PCDHA4: variants seen among roughly 807,000 people sequenced by gnomAD.
PCDHA4 encodes the protein protocadherin alpha-4.
A neutral mutation model predicts 61.4 loss-of-function variants in PCDHA4; 49 were observed. The observed-to-expected ratio is 0.80, with a 90% CI of 0.63 to 1.01. PCDHA4 has a LOEUF of 1.01. Among genes scored for constraint, PCDHA4 ranks in the 50% least tolerant of loss-of-function variants. The pLI, the probability that PCDHA4 is intolerant of heterozygous loss-of-function variation, is 0.00. For synonymous variants in PCDHA4, 590 were observed against 550.3 expected (o/e 1.07, Z -1.01); for missense variants, 1,254 against 1,235.8 (o/e 1.01, Z -0.22).
rs75032728 is a variant in PCDHA4 at position 140,932,740 on chromosome 5, T to C, written c.2386-46209T>C. On this transcript the variant is annotated intron_variant, in intron 1 of 3. Coordinates refer to ENST00000530339, the MANE Select transcript of PCDHA4 (RefSeq NM_018907.4). The stretch of plus-strand genomic sequence containing the variant: ...ATATTGTATAATATAGACCCTCAAA[T>C]CAGTAAAAAGGAAAGAAAAAGAACA... 5.5e-3 allele frequency among the ~76,000 whole-genome samples: 829 copies of C among 151,670 alleles called. 4 individuals carry two copies. The highest frequency in any genetic ancestry group is 0.019 in the African/African-American group (798 of 41,410).
At chr5:140,895,968 G>C (rs190056652) in intron 1 of PCDHA4, among the ~76,000 whole-genome samples, 4 of 151,938 alleles carry the variant, frequency 2.6e-5, no homozygotes, top group African/African-American at 4.8e-5. Flanking sequence ...CTGTCACCAG[G>C]CCTAGCTAAT....
rs564306575 is a variant in PCDHA4, at chr5:140,927,833, A to G, written c.2386-51116A>G. On this transcript the variant is annotated intron_variant, in intron 1 of 3. Coordinates refer to ENST00000530339, the MANE Select transcript of PCDHA4 (RefSeq NM_018907.4). Reference sequence around the variant, plus strand: ...TTGGAGGCATACATTGAGGCGAGGGACGAAGGTGTCTTTGGTTTAGCTAGC... The same window carrying G: ...TTGGAGGCATACATTGAGGCGAGGGGCGAAGGTGTCTTTGGTTTAGCTAGC... 5.0e-6 allele frequency: 8 copies of G among 1,614,044 alleles called. No individual in the cohort carries two copies. Among genetic ancestry groups the G allele is most frequent in the African/African-American group, 4.0e-5 (3 of 74,914 alleles).
chr5:140,877,515 G>A (rs371100299), intron 1 of PCDHA4: 177 of 1,613,796 alleles, frequency 1.1e-4, no homozygotes, highest in Admixed American at 4.8e-4. Context: ...CGTCGTCGCG[G>A]GCCTCAGTGG....
intron 1 of PCDHA4, among the ~76,000 whole-genome samples, chr5:140,909,538 A>T (rs1204423392): frequency 6.6e-6 from 1 of 152,148 alleles, no homozygotes; most frequent in East Asian, 1.9e-4. Context: ...TGAGTCCTTG[A>T]TGGTGGCACT....
rs781832159 is a variant in PCDHA4 at position 140,809,389 on chromosome 5, G to A, written c.2202G>A (p.Pro734=). 4 of 1,614,058 alleles carry A rather than the reference G, an allele frequency of 2.5e-6. No homozygotes were observed. Among genetic ancestry groups the A allele is most frequent in the East Asian group, 4.5e-5 (2 of 44,872 alleles). ...TGCCCACCGAGGGCGCGTGCGCTCC[G>A]GGCAAGCCCACGCTGGTGTGCTCCA... The part of the protein sequence containing the change: ...SALPTEGACA[P]GKPTLVCSSA... Residue 734 remains proline (P), a synonymous_variant, in exon 1 of 4, where the codon CCG becomes CCA. Coordinates refer to ENST00000530339, the MANE Select transcript of PCDHA4 (RefSeq NM_018907.4).
chr5:140,836,103 G>C, intron 1 of PCDHA4: 1 of 1,613,736 alleles, frequency 6.2e-7, no homozygotes, highest in Non-Finnish European at 8.5e-7. Flanking sequence ...GGGTGGCACT[G>C]GTGGCGCAGT....
chr5:140,985,801 A>G (rs2097171670), intron 3 of PCDHA4, among the ~76,000 whole-genome samples: 1 of 135,588 alleles, frequency 7.4e-6, no homozygotes, highest in Admixed American at 8.6e-5. Flanking sequence ...GTGCAGTGGC[A>G]CGATCTCAGC....
intron 1 of PCDHA4, chr5:140,882,118 T>G: frequency 1.4e-6 from 2 of 1,431,994 alleles, no homozygotes; most frequent in Non-Finnish European, 9.4e-7. Context: ...AAGCCGCCGT[T>G]TCTTTCTTCC....
chr5:140,928,426 T>G (rs1563104997), intron 1 of PCDHA4: 2 of 1,614,134 alleles, frequency 1.2e-6, no homozygotes, highest in Non-Finnish European at 1.7e-6. Context: ...TGCCAAAACT[T>G]CCTTTGACTT....
intron 1 of PCDHA4, chr5:140,847,692 T>C (rs1011959129): frequency 1.3e-5 from 2 of 149,872 alleles, no homozygotes; most frequent in Non-Finnish European, 3.0e-5. Context: ...ACAACACATT[T>C]CTGGAAACAG....
chr5:140,968,966 T>C (rs781901506), intron 1 of PCDHA4: 1 of 1,614,216 alleles, frequency 6.2e-7, no homozygotes, highest in East Asian at 2.2e-5. Context: ...GTGCTACCGC[T>C]ACACTGCGTA....
chr5:140,879,204 G>A (rs1041591784), intron 1 of PCDHA4, among the ~76,000 whole-genome samples: 3 of 152,328 alleles, frequency 2.0e-5, no homozygotes, highest in Admixed American at 6.5e-5. Flanking sequence ...AATTATGGCA[G>A]TAGAAATGAA....
chr5:140,936,710 A>G (rs2091103513), intron 1 of PCDHA4, among the ~76,000 whole-genome samples: 1 of 152,216 alleles, frequency 6.6e-6, no homozygotes. Flanking sequence ...TTCTTGTGCC[A>G]ATACATTCTG....
At chr5:140,951,967 C>A (rs2094665815) in intron 1 of PCDHA4, among the ~76,000 whole-genome samples, 1 of 152,166 alleles carries the variant, frequency 6.6e-6, no homozygotes, top group South Asian at 2.1e-4. Context: ...GTAAATACTC[C>A]TGTTCCAAAA....
chr5:141,002,059 G>A (rs983772482), intron 3 of PCDHA4, among the ~76,000 whole-genome samples: 1 of 152,242 alleles, frequency 6.6e-6, no homozygotes, highest in Non-Finnish European at 1.5e-5. Flanking sequence ...AGAGGCAGCA[G>A]CAGCCGCCAG....
chr5:140,961,504 G>T (rs2095618659), intron 1 of PCDHA4, among the ~76,000 whole-genome samples: 1 of 152,112 alleles, frequency 6.6e-6, no homozygotes, highest in African/African-American at 2.4e-5. Flanking sequence ...GGGAGACTTT[G>T]TTTAATGTCT....
At chr5:140,998,687 C>T (rs922040842) in intron 3 of PCDHA4, among the ~76,000 whole-genome samples, 9 of 152,042 alleles carry the variant, frequency 5.9e-5, no homozygotes, top group Non-Finnish European at 1.5e-5. Flanking sequence ...GCCTCAGCCT[C>T]CCAAGTAGCT....
At chr5:140,870,534 G>T (rs547039725) in intron 1 of PCDHA4, 12 of 1,614,150 alleles carry the variant, frequency 7.4e-6, no homozygotes, top group Non-Finnish European at 1.0e-5. Context: ...TCACAGTGTC[G>T]GCGCGGGACG....
chr5:140,829,652 C>CA, intron 1 of PCDHA4: 1 of 1,612,488 alleles, frequency 6.2e-7, no homozygotes, highest in Non-Finnish European at 8.5e-7. Context: ...GTACGCGCTG[C>CA]AGCCGCTGGA....
Sources: gnomAD v4.1 joint callset for allele counts (sites outside exome capture counted in the v4.1 genomes callset) on GRCh38, gnomAD v4.1.1 for gene constraint, MANE v1.5 for transcripts, NCBI Gene and HGNC (gene_info 2026-07-23, HGNC 2026-07-21) for gene names.